The following METTL5 variants were observed in gnomAD, a reference collection of about 807,000 sequenced individuals.
The protein encoded by METTL5 is rRNA N(6)-adenosine-methyltransferase METTL5.
Under a neutral mutation model 26.5 loss-of-function variants are expected in METTL5, and 28 were observed. That is an observed-to-expected ratio of 1.06 (90% confidence interval 0.78 to 1.45). The LOEUF is 1.45. METTL5 is among the 40% of genes most tolerant of loss of function. The pLI, the probability that METTL5 is intolerant of heterozygous loss-of-function variation, is 0.00. For synonymous variants in METTL5, 86 were observed against 82.6 expected (o/e 1.04, Z -0.22); for missense variants, 231 against 249.9 (o/e 0.92, Z 0.51).
At position 169,824,473 on chromosome 2, in the gene METTL5, GA is replaced by G; in HGVS notation, c.109+15del. 1 of 1,599,356 alleles carries G rather than the reference GA, an allele frequency of 6.3e-7. No homozygotes were observed. Among genetic ancestry groups the G allele is most frequent in the African/African-American group, 1.3e-5 (1 of 74,704 alleles). ...CTAACGCCGAAAGCCGGGGCGTGGTGAACCAGCCGCCCTACCTGCAATGTGC... is the reference window on the plus strand; with the variant it reads ...CTAACGCCGAAAGCCGGGGCGTGGTGACCAGCCGCCCTACCTGCAATGTGC... On this transcript the variant is annotated intron_variant, in intron 1 of 6. Transcript: ENST00000260953.
rs2081556406 is a variant in METTL5 at position 169,819,588 on chromosome 2, A to G, written c.462T>C (p.Tyr154=). 6.2e-7 allele frequency: 1 copy of G among 1,612,804 alleles called. No homozygotes were observed. The highest frequency in any genetic ancestry group is 1.7e-5 in the Admixed American group (1 of 59,966). The change falls in exon 4 of 7, where the codon TAT becomes TAC. Residue 154 remains tyrosine (Y), a synonymous_variant. Transcript: ENST00000260953. Reference sequence around the variant, plus strand: ...CTCTAGTTGAGGATTTGTGTAAGGAATATACTGCTGTTCTTGCCATTTCCA... The same window carrying G: ...CTCTAGTTGAGGATTTGTGTAAGGAGTATACTGCTGTTCTTGCCATTTCCA... ...TALEMARTAV[Y]SLHKSSTREH...
rs1051387 is a variant in METTL5, at chr2:169,811,845, A to C, written c.605T>G (p.Val202Gly). Residue 202 changes from valine (V) to glycine (G), a missense_variant, in exon 7 of 7, where the codon GTG (valine) becomes GGG (glycine). By Grantham distance (109) the Val-to-Gly change is moderately radical. Coordinates refer to ENST00000260953, the MANE Select transcript of METTL5 (RefSeq NM_014168.4). ...TTAAAAGGAAAACCGAATTAGGTCC[A>C]CTTCAATGTCCACCTGTGAGAAAGG... Reference protein sequence around the residue: ...FHKKKSVDIEVDLIRFSF With the variant: ...FHKKKSVDIEGDLIRFSF The C allele has an allele frequency of 6.2e-7, 1 of 1,613,648 alleles. No homozygotes were observed. Among genetic ancestry groups the C allele is most frequent in the Non-Finnish European group, 8.5e-7 (1 of 1,179,784 alleles).
intron 1 of METTL5, 105 bp downstream of exon 1, chr2:169,824,384 G>A: frequency 1.1e-6 from 1 of 945,676 alleles, no homozygotes; most frequent in Non-Finnish European, 1.7e-6. Context: ...TCTTAGGGCA[G>A]AATTTCTCTA....
intron 5 of METTL5, among the ~76,000 whole-genome samples, chr2:169,813,622 A>G (rs1690053017): frequency 6.6e-6 from 1 of 151,678 alleles, no homozygotes; most frequent in Non-Finnish European, 1.5e-5. Flanking sequence ...TGGGAGGCCA[A>G]GGCGGGCGGA....
chr2:169,819,970 C>CTTTTTTTT (rs11297953), intron 3 of METTL5, among the ~76,000 whole-genome samples: 1 of 146,586 alleles, frequency 6.8e-6, no homozygotes. Context: ...CTATGCATGT[C>CTTTTTTTT]TTTTTTTTTT....
At position 169,819,547 on chromosome 2, in the gene METTL5, T is replaced by A; in HGVS notation, c.489+14A>T. The stretch of plus-strand genomic sequence containing the variant: ...AAAATCAATGCCACAGAATATCAGA[T>A]GATTTGAACTTACTTCTCTAGTTGA... On this transcript the variant is annotated intron_variant, in intron 4 of 6. Coordinates refer to ENST00000260953, the MANE Select transcript of METTL5 (RefSeq NM_014168.4). The A allele has an allele frequency of 1.3e-6, 2 of 1,579,068 alleles. No homozygotes were observed. Among genetic ancestry groups the A allele is most frequent in the Non-Finnish European group, 1.7e-6 (2 of 1,151,374 alleles).
At chr2:169,814,468 C>A (rs202134913) in intron 5 of METTL5, among the ~76,000 whole-genome samples, 75 of 57,546 alleles carry the variant, frequency 1.3e-3, no homozygotes, top group South Asian at 2.8e-3. Flanking sequence ...GGCTTTGTCT[C>A]AAAAAAAAAA....
chr2:169,821,365 A>C, intron 2 of METTL5, 92 bp from the exon 3 acceptor site: 2 of 931,800 alleles, frequency 2.1e-6, no homozygotes, highest in Non-Finnish European at 3.2e-6. Context: ...TAAACCATAT[A>C]TCTTTTTAAC....
chr2:169,820,943 T>G (rs2081575458), intron 3 of METTL5, 149 bp downstream of exon 3: 2 of 577,170 alleles, frequency 3.5e-6, no homozygotes, highest in Non-Finnish European at 2.9e-6. Context: ...TTGCCCGGGA[T>G]GGCTACCAAT....
chr2:169,819,742 C>A, intron 3 of METTL5, 99 bp from the exon 4 acceptor site: 2 of 717,828 alleles, frequency 2.8e-6, no homozygotes, highest in Admixed American at 2.7e-5. Flanking sequence ...TTCAAAATAG[C>A]CACCTTGAAA....
Position 169,824,846 on chromosome 2 carries a change from C to T in METTL5, c.-249G>A, listed in dbSNP as rs911063658. On this transcript the variant is annotated 5_prime_UTR_variant, in exon 1 of 7. Coordinates refer to ENST00000260953, the MANE Select transcript of METTL5 (RefSeq NM_014168.4). ...CGCACTGCTGGAGCAGCCTCAGGAT[C>T]CCTCGCGCCACGACCACGCACCTCT... 8.4e-6 allele frequency: 3 copies of T among 358,756 alleles called. No individual in the cohort carries two copies. The highest frequency in any genetic ancestry group is 1.6e-5 in the Non-Finnish European group (3 of 193,106). The allele number at this position is 358,756 out of a possible 1,614,324, so 22.2% of individuals were successfully genotyped here. A position where few individuals can be genotyped will look rare whatever the true frequency, so the allele number is the denominator to read the frequency against.
chr2:169,813,158 C>T (rs1377085363), intron 5 of METTL5: 4 of 148,172 alleles, frequency 2.7e-5, no homozygotes, highest in Admixed American at 1.4e-4. Flanking sequence ...GACGGAGTCT[C>T]GCTCTGTTGC....
In METTL5 at chr2:169,822,545, AC is replaced by A. The variant is rs1378126950; in HGVS notation, c.110-489del. Among the ~76,000 whole-genome samples, 11 of 152,308 alleles carry A rather than the reference AC, an allele frequency of 7.2e-5. No homozygotes were observed. In the South Asian group the frequency reaches 1.2e-3, roughly 17 times the overall value. On this transcript the variant is annotated intron_variant, in intron 1 of 6. Transcript: ENST00000260953. Reference sequence around the variant, plus strand: ...TTTACTTATCTGTGAAATCTATAAGACTAGGAACCACTATCAAACAAGCATT... The same window carrying A: ...TTTACTTATCTGTGAAATCTATAAGATAGGAACCACTATCAAACAAGCATT...
At chr2:169,821,542 C>T (rs2081585840) in intron 2 of METTL5, among the ~76,000 whole-genome samples, 1 of 152,206 alleles carries the variant, frequency 6.6e-6, no homozygotes, top group African/African-American at 2.4e-5. Context: ...CACACCACCA[C>T]ATCCAGCTAA....
intron 4 of METTL5, among the ~76,000 whole-genome samples, chr2:169,815,974 G>A (rs7589845): frequency 0.19 from 28,501 of 152,004 alleles, 2,956 homozygotes; most frequent in East Asian, 0.36. Context: ...TACAGTAATA[G>A]GTTGACAGGT....
Position 169,811,849 on chromosome 2 carries a change from C to T in METTL5, c.601G>A (p.Glu201Lys), listed in dbSNP as rs1461581151. The T allele has an allele frequency of 6.2e-7, 1 of 1,613,416 alleles. No individual in the cohort carries two copies. The highest frequency in any genetic ancestry group is 1.3e-5 in the African/African-American group (1 of 74,920). The change falls in exon 7 of 7, where the codon GAA (glutamate) becomes AAA (lysine). Residue 201 changes from glutamate (E) to lysine (K), a missense_variant. Coordinates refer to ENST00000260953, the MANE Select transcript of METTL5 (RefSeq NM_014168.4). ...AAGGAAAACCGAATTAGGTCCACTT[C>T]AATGTCCACCTGTGAGAAAGGAAAA... is the stretch of plus-strand genomic sequence containing the variant. ...KFHKKKSVDIEVDLIRFSF is the reference protein window; with the variant it reads ...KFHKKKSVDIKVDLIRFSF
chr2:169,821,080 C>A lies in METTL5; in HGVS notation c.406+12G>T. 1 of 1,564,442 alleles carries A rather than the reference C, an allele frequency of 6.4e-7. No individual in the cohort carries two copies. Among genetic ancestry groups the A allele is most frequent in the Non-Finnish European group, 8.6e-7 (1 of 1,158,426 alleles). On this transcript the variant is annotated intron_variant, in intron 3 of 6. Transcript: ENST00000260953. ...TATAAATATACCAATATACCCGATT[C>A]TTGTTACAAACCTTTATTATTTTTG...
chr2:169,814,597 T>TAC, intron 5 of METTL5, among the ~76,000 whole-genome samples: 1 of 145,320 alleles, frequency 6.9e-6, no homozygotes, highest in African/African-American at 2.5e-5. Flanking sequence ...TTTTTTGAGA[T>TAC]GGAATCTCAC....
intron 1 of METTL5, chr2:169,824,207 G>A (rs148341077): frequency 5.9e-5 from 18 of 303,738 alleles, no homozygotes; most frequent in African/African-American, 3.4e-4. Flanking sequence ...CAAATTCCTT[G>A]TCCTCAGAGA....
Sources: gnomAD v4.1 joint callset for allele counts (sites outside exome capture counted in the v4.1 genomes callset) on GRCh38, gnomAD v4.1.1 for gene constraint, MANE v1.5 for transcripts, NCBI Gene and HGNC (gene_info 2026-07-23, HGNC 2026-07-21) for gene names.